RYR2: variants seen among roughly 807,000 people sequenced by gnomAD.
RYR2 encodes ryanodine receptor 2, also known as cardiac muscle ryanodine receptor-calcium release channel.
Under a neutral mutation model 601.1 loss-of-function variants are expected in RYR2, and 227 were observed. The ratio of observed to expected loss-of-function variants is 0.38; its 90% CI spans 0.34 to 0.42. The LOEUF is 0.42. Ranked by LOEUF, RYR2 falls within the 10% of genes least tolerant of loss-of-function variation. The pLI is 1.00. For synonymous variants in RYR2, 2,223 were observed against 2,175.1 expected (o/e 1.02, Z -0.61); for missense variants, 4,646 against 6,156.5 (o/e 0.75, Z 8.21).
chr1:237,317,610 A>C lies in RYR2; in HGVS notation c.169-13268A>C, dbSNP rs1379474819. On this transcript the variant is annotated intron_variant, in intron 2 of 104. Transcript: ENST00000366574. ...GTTACTTGGTGTTTCCAATGTATGC[A>C]ATCATGACATTTGGAAATACGGTTT... is the stretch of plus-strand genomic sequence containing the variant. 5.3e-5 allele frequency among the ~76,000 whole-genome samples: 8 copies of C among 152,270 alleles called. No individual in the cohort carries two copies. The East Asian group carries it at 1.2e-3, about 22-fold the overall frequency.
intron 18 of RYR2, 95 bp from the exon 19 acceptor site, chr1:237,492,859 G>C: frequency 1.6e-6 from 2 of 1,272,968 alleles, no homozygotes; most frequent in Admixed American, 2.3e-5. Flanking sequence ...AAGGAAGGAA[G>C]GAAGGAAGGA....
At chr1:237,266,558 T>C (rs901512137) in intron 1 of RYR2, among the ~76,000 whole-genome samples, 1 of 152,170 alleles carries the variant, frequency 6.6e-6, no homozygotes, top group Non-Finnish European at 1.5e-5. Context: ...AATGATGGGG[T>C]TAATTAAAGG....
intron 10 of RYR2, among the ~76,000 whole-genome samples, chr1:237,389,607 A>G (rs554382911): frequency 7.7e-4 from 118 of 152,314 alleles, no homozygotes; most frequent in African/African-American, 2.8e-3. Context: ...GATAAAAGTG[A>G]TGGGTTTAGG....
At chr1:237,827,127 A>G (rs1325399681) in intron 101 of RYR2, among the ~76,000 whole-genome samples, 1 of 152,180 alleles carries the variant, frequency 6.6e-6, no homozygotes, top group African/African-American at 2.4e-5. Flanking sequence ...GTCAAATACC[A>G]TGGACAAGCT....
intron 6 of RYR2, among the ~76,000 whole-genome samples, chr1:237,370,642 T>C (rs1197940211): frequency 6.6e-6 from 1 of 150,796 alleles, no homozygotes; most frequent in African/African-American, 2.4e-5. Flanking sequence ...ATGTTAAAAA[T>C]ATGCAAAAGT....
At chr1:237,144,046 T>C (rs1373203689) in intron 1 of RYR2, among the ~76,000 whole-genome samples, 2 of 151,940 alleles carry the variant, frequency 1.3e-5, no homozygotes, top group Non-Finnish European at 2.9e-5. Context: ...GGAGAATTGC[T>C]TGAACCCGGG....
Position 237,783,928 on chromosome 1 carries a change from G to A in RYR2, c.12216G>A (p.Thr4072=), listed in dbSNP as rs746200625. Reference sequence around the variant, plus strand: ...AATTTCTTTTGTCTTGTGCGGAGACGGATGAGAATGAAACCCTCGACTACG... The same window carrying A: ...AATTTCTTTTGTCTTGTGCGGAGACAGATGAGAATGAAACCCTCGACTACG... ...ETEFLLSCAE[T]DENETLDYEE... Residue 4072 remains threonine (T), a synonymous_variant, in exon 90 of 105, where the codon ACG becomes ACA. Transcript: ENST00000366574. 8.1e-6 allele frequency: 13 copies of A among 1,613,276 alleles called. No homozygotes were observed. In the South Asian group the frequency reaches 9.9e-5, roughly 12 times the overall value.
At chr1:237,280,014 C>A (rs1324561249) in intron 2 of RYR2, among the ~76,000 whole-genome samples, 1 of 152,160 alleles carries the variant, frequency 6.6e-6, no homozygotes, top group Non-Finnish European at 1.5e-5. Flanking sequence ...ATCAAGAGCT[C>A]TTTCTGTTTC....
At chr1:237,356,019 G>A (rs1237853338) in intron 4 of RYR2, 34 bp downstream of exon 4, 1 of 1,592,584 alleles carries the variant, frequency 6.3e-7, no homozygotes, top group Non-Finnish European at 8.6e-7. Context: ...AAGAAATTGT[G>A]ATCTAAAAGT....
chr1:237,610,721 A>T lies in RYR2; in HGVS notation c.4684-41A>T. 6.7e-7 allele frequency: 1 copy of T among 1,485,030 alleles called. No homozygotes were observed. The highest frequency in any genetic ancestry group is 9.2e-7 in the Non-Finnish European group (1 of 1,090,336). The allele number at this position is 1,485,030 out of a possible 1,614,324, so 92.0% of individuals were successfully genotyped here. Reference sequence around the variant, plus strand: ...GTCATTACTTTGTGAACCCCAAGGGATGTTCTACATTTATTCTTTTTCTGC... The same window carrying T: ...GTCATTACTTTGTGAACCCCAAGGGTTGTTCTACATTTATTCTTTTTCTGC... On this transcript the variant is annotated intron_variant, in intron 35 of 104. Transcript: ENST00000366574. The surrounding 1 kb of genome is among the most constrained non-coding windows in gnomAD (Gnocchi z 4.9).
intron 32 of RYR2, among the ~76,000 whole-genome samples, chr1:237,592,126 T>C (rs1675274547): frequency 6.6e-6 from 1 of 152,228 alleles, no homozygotes; most frequent in African/African-American, 2.4e-5. Context: ...TAAATTGCCC[T>C]TGAATTTTTC....
chr1:237,106,498 G>C lies in RYR2; in HGVS notation c.48+63929G>C, dbSNP rs1668700440. 6.6e-6 allele frequency among the ~76,000 whole-genome samples: 1 copy of C among 152,210 alleles called. No homozygotes were observed. The highest frequency in any genetic ancestry group is 2.4e-5 in the African/African-American group (1 of 41,450). ...ATGTTTCACCAGCTAAGATGGAGCGGTCCTGGAAAGAGTGAAGATCAAGAG... is the reference window on the plus strand; with the variant it reads ...ATGTTTCACCAGCTAAGATGGAGCGCTCCTGGAAAGAGTGAAGATCAAGAG... On this transcript the variant is annotated intron_variant, in intron 1 of 104. Transcript: ENST00000366574. This position sits in a 1 kb window ranked among gnomAD's most constrained non-coding sequence, Gnocchi z 4.4.
intron 24 of RYR2, among the ~76,000 whole-genome samples, chr1:237,523,576 A>G (rs1667292863): frequency 6.6e-6 from 1 of 152,074 alleles, no homozygotes; most frequent in African/African-American, 2.4e-5. Context: ...CTCTACTAAA[A>G]ATACAAAAAA....
At chr1:237,595,737 T>A in intron 34 of RYR2, 80 bp downstream of exon 34, 1 of 1,492,524 alleles carries the variant, frequency 6.7e-7, no homozygotes, top group Non-Finnish European at 8.9e-7. Context: ...GTTTGTAAGA[T>A]CAAAAAGTAA....
intron 2 of RYR2, among the ~76,000 whole-genome samples, chr1:237,322,204 A>G (rs986580989): frequency 1.3e-5 from 2 of 152,164 alleles, no homozygotes; most frequent in Non-Finnish European, 2.9e-5. Context: ...GATGGTTGGT[A>G]TTTGTATGGT....
Position 237,638,375 on chromosome 1 carries a change from G to T in RYR2, c.6811G>T (p.Gly2271Cys), listed in dbSNP as rs375371340. Reference sequence around the variant, plus strand: ...TTTGCAGGTAGTTCGTTATTTGGCTGGTTGTGGACTGCAAAGTTGCCAGAT... The same window carrying T: ...TTTGCAGGTAGTTCGTTATTTGGCTTGTTGTGGACTGCAAAGTTGCCAGAT... ...DLEKVVRYLAGCGLQSCQMLV... is the reference protein window; with the variant it reads ...DLEKVVRYLACCGLQSCQMLV... The change falls in exon 45 of 105, where the codon GGT (glycine) becomes TGT (cysteine). Residue 2271 changes from glycine to cysteine, a missense_variant. Gly to Cys is a radical substitution (Grantham distance 159). Around this residue, in one of 17 missense-constraint regions of RYR2, gnomAD observed 137 missense variants for 273.6 expected, o/e 0.50. Coordinates refer to ENST00000366574, the MANE Select transcript of RYR2 (RefSeq NM_001035.3). The T allele has an allele frequency of 1.9e-6, 3 of 1,613,870 alleles. No individual in the cohort carries two copies. The highest frequency in any genetic ancestry group is 2.5e-6 in the Non-Finnish European group (3 of 1,179,814).
At chr1:237,148,561 C>CATATATATATATATATATAA (rs1558320364) in intron 1 of RYR2, among the ~76,000 whole-genome samples, 2 of 109,750 alleles carry the variant, frequency 1.8e-5, no homozygotes, top group African/African-American at 7.5e-5. Context: ...TATACACACA[C>CATATATATATATATATATAA]ACATATATAT....
intron 1 of RYR2, among the ~76,000 whole-genome samples, chr1:237,229,798 C>T (rs918263299): frequency 6.6e-6 from 1 of 152,084 alleles, no homozygotes; most frequent in Non-Finnish European, 1.5e-5. Flanking sequence ...TATATCGTGC[C>T]CTTACTGTAA....
At chr1:237,453,141 A>G (rs1205651698) in intron 14 of RYR2, among the ~76,000 whole-genome samples, 1 of 152,094 alleles carries the variant, frequency 6.6e-6, no homozygotes, top group Admixed American at 6.6e-5. Flanking sequence ...ACTTCACTGC[A>G]TGTGAATTAA....
Sources: allele counts gnomAD v4.1 joint callset (sites outside exome capture counted in the v4.1 genomes callset), GRCh38; gene constraint gnomAD v4.1.1; regional missense constraint gnomAD v4.1.1; non-coding constraint Gnocchi (gnomAD v3.1); transcripts MANE v1.5; gene names NCBI Gene and HGNC (gene_info 2026-07-23, HGNC 2026-07-21).